The following RCC1L variants were observed in gnomAD, a reference collection of about 807,000 sequenced individuals.
The protein encoded by RCC1L is RCC1-like G exchanging factor-like protein.
RCC1L carries 46 observed loss-of-function variants against 58.6 expected under a neutral mutation model. The observed-to-expected ratio is 0.79, with a 90% CI of 0.62 to 1.00. RCC1L has a LOEUF of 1.00. Among genes scored for constraint, RCC1L ranks in the 50% least tolerant of loss-of-function variants. The pLI, the probability that RCC1L is intolerant of heterozygous loss-of-function variation, is 0.00. For synonymous variants in RCC1L, 281 were observed against 262.9 expected (o/e 1.07, Z -0.67); for missense variants, 636 against 623.6 (o/e 1.02, Z -0.21).
chr7:75,070,155 G>A (rs937266373), intron 2 of RCC1L, among the ~76,000 whole-genome samples: 1 of 152,082 alleles, frequency 6.6e-6, no homozygotes, highest in East Asian at 1.9e-4. Context: ...TTTGCCTGAG[G>A]GTTCAACATT....
chr7:75,069,975 T>G (rs587716433), intron 2 of RCC1L, among the ~76,000 whole-genome samples: 53 of 152,286 alleles, frequency 3.5e-4, no homozygotes, highest in Middle Eastern at 6.8e-3. Flanking sequence ...GCTCAAACAT[T>G]TGGAATAAAG....
chr7:75,048,266 C>CAAAAA (rs1166086711), intron 10 of RCC1L, among the ~76,000 whole-genome samples: 1 of 95,766 alleles, frequency 1.0e-5, no homozygotes, highest in African/African-American at 4.1e-5. Flanking sequence ...GACATCGCCT[C>CAAAAA]AAAAAAAAAA....
Position 75,056,065 on chromosome 7 carries a change from T to G in RCC1L, c.1067A>C (p.His356Pro), listed in dbSNP as rs782384476. 2 of 1,613,936 alleles carry G rather than the reference T, an allele frequency of 1.2e-6. No individual in the cohort carries two copies. Among genetic ancestry groups the G allele is most frequent in the Non-Finnish European group, 1.7e-6 (2 of 1,179,860 alleles). The change falls in exon 9 of 11, where the codon CAT becomes CCT. Residue 356 changes from histidine to proline, a missense_variant. Transcript: ENST00000610322. ...AATTCCATAGCCCCAGACAAAAACA[T>G]GTCCTTCTCCTACATTACAGTAAAA... ...TGCAVLNGEG[H>P]VFVWGYGILG...
chr7:75,065,108 A>C (rs1167049411), intron 3 of RCC1L, among the ~76,000 whole-genome samples: 1 of 151,980 alleles, frequency 6.6e-6, no homozygotes, highest in Non-Finnish European at 1.5e-5. Flanking sequence ...CAACCTTCCA[A>C]GTGTGAAGTG....
At chr7:75,054,506 A>G (rs1291789632) in intron 9 of RCC1L, among the ~76,000 whole-genome samples, 1 of 152,204 alleles carries the variant, frequency 6.6e-6, no homozygotes, top group African/African-American at 2.4e-5. Context: ...ATTTCTAAAC[A>G]TGTGTCTCTG....
chr7:75,052,854 G>A, intron 9 of RCC1L, 58 bp from the exon 10 acceptor site: 1 of 1,505,032 alleles, frequency 6.6e-7, no homozygotes, highest in Non-Finnish European at 9.1e-7. Context: ...AGTCTCCAAG[G>A]AGAGGATGGG....
At chr7:75,063,247 G>T (rs1462909810) in intron 5 of RCC1L, 45 bp downstream of exon 5, 2 of 1,611,646 alleles carry the variant, frequency 1.2e-6, no homozygotes, top group East Asian at 2.2e-5. Context: ...CTTTTCAAAA[G>T]CACCCCAGGA....
intron 1 of RCC1L, among the ~76,000 whole-genome samples, chr7:75,071,789 T>A (rs1806736763): frequency 6.6e-6 from 1 of 152,078 alleles, no homozygotes; most frequent in African/African-American, 2.4e-5. Context: ...TATCTGTTTC[T>A]CCTTCTCTAA....
At chr7:75,053,837 C>T (rs1366499556) in intron 9 of RCC1L, among the ~76,000 whole-genome samples, 1 of 152,184 alleles carries the variant, frequency 6.6e-6, no homozygotes, top group Admixed American at 6.5e-5. Context: ...TACAAGCTGT[C>T]TTAGGCCCCT....
intron 1 of RCC1L, among the ~76,000 whole-genome samples, chr7:75,072,163 T>TATATATATATATATATATATATATATAC (rs1806773849): frequency 2.3e-5 from 1 of 44,362 alleles, no homozygotes; most frequent in Non-Finnish European, 3.9e-5. Flanking sequence ...TACATATACA[T>TATATATATATATATATATATATATATAC]ATATATATAT....
At chr7:75,028,049 T>C in exon 11 of RCC1L, 1 of 1,534,540 alleles carries the variant, frequency 6.5e-7, no homozygotes. Flanking sequence ...AGTGGGCCTG[T>C]TGTCTTGGCG....
chr7:75,058,451 G>A (rs1369956110), intron 7 of RCC1L, 137 bp downstream of exon 7: 5 of 1,161,078 alleles, frequency 4.3e-6, no homozygotes, highest in African/African-American at 1.5e-5. Flanking sequence ...GGCTGGTCCT[G>A]AACTCCTGAC....
chr7:75,051,184 T>C (rs587619629), intron 10 of RCC1L, among the ~76,000 whole-genome samples: 1 of 142,030 alleles, frequency 7.0e-6, no homozygotes, highest in South Asian at 2.2e-4. Context: ...AAAAAATATA[T>C]ATATATATAT....
At chr7:75,052,941 T>C in intron 9 of RCC1L, 145 bp from the exon 10 acceptor site, 3 of 811,366 alleles carry the variant, frequency 3.7e-6, no homozygotes, top group Admixed American at 2.1e-5. Flanking sequence ...CATGCTTTCT[T>C]TGAAGGCAAA....
chr7:75,073,546 C>T lies in RCC1L; in HGVS notation c.192G>A (p.Trp64Ter), dbSNP rs782384921. 2.0e-6 allele frequency: 3 copies of T among 1,504,846 alleles called. No individual in the cohort carries two copies. Among genetic ancestry groups the T allele is most frequent in the African/African-American group, 1.5e-5 (1 of 68,720 alleles). The allele number at this position is 1,504,846 out of a possible 1,614,324, so 93.2% of individuals were successfully genotyped here. ...CCAGCGCCCCCGAGAAGCTGAAGCC[C>T]CACACGAAGACGCGATCGGCGCGGG... ...RAARADRVFVWGFSFSGALGV... is the reference protein window; with the variant it reads ...RAARADRVFV Residue 64 changes from tryptophan (W) to a stop codon, truncating the protein, a stop_gained, in exon 1 of 11, where the codon TGG (tryptophan) becomes TGA (stop). Transcript: ENST00000610322. LOFTEE classifies it high-confidence loss of function.
chr7:75,065,510 G>A (rs185705648), intron 3 of RCC1L, among the ~76,000 whole-genome samples: 152 of 152,048 alleles, frequency 1.0e-3, no homozygotes, highest in African/African-American at 2.9e-3. Flanking sequence ...AGCTGAGATC[G>A]TGCCACTGCA....
intron 9 of RCC1L, 107 bp from the exon 10 acceptor site, chr7:75,052,903 GC>G: frequency 9.5e-7 from 1 of 1,051,956 alleles, no homozygotes; most frequent in Non-Finnish European, 1.4e-6. Flanking sequence ...TACCTACAGA[GC>G]CCACTGTTCA....
In RCC1L at chr7:75,066,688, G is replaced by A. The variant is rs1806499965; in HGVS notation, c.559C>T (p.Leu187Phe). 7 of 1,612,986 alleles carry A rather than the reference G, an allele frequency of 4.3e-6. No homozygotes were observed. The highest frequency in any genetic ancestry group is 5.9e-6 in the Non-Finnish European group (7 of 1,179,524). Residue 187 changes from leucine to phenylalanine, a missense_variant, in exon 3 of 11, where the codon CTT (leucine) becomes TTT (phenylalanine). Transcript: ENST00000610322. ...LQVSCGRAHSLVLTDREGVFS... is the reference protein window; with the variant it reads ...LQVSCGRAHSFVLTDREGVFS... ...CCTCCTTCCCTGTCAGTCAACACAA[G>A]AGAGTGAGCTCGGCCGCAGGAGACC...
intron 10 of RCC1L, among the ~76,000 whole-genome samples, chr7:75,051,880 A>G (rs1029767580): frequency 3.3e-5 from 5 of 152,222 alleles, no homozygotes; most frequent in Non-Finnish European, 7.3e-5. Flanking sequence ...CTGGAAAGGA[A>G]CATAAAGAAA....
Sources: gnomAD v4.1 joint callset for allele counts (sites outside exome capture counted in the v4.1 genomes callset) on GRCh38, gnomAD v4.1.1 for gene constraint, MANE v1.5 for transcripts, NCBI Gene and HGNC (gene_info 2026-07-23, HGNC 2026-07-21) for gene names.